Variants in CSMD2 observed in about 807,000 individuals in gnomAD.
CSMD2 encodes CUB and sushi domain-containing protein 2.
In CSMD2, 130 loss-of-function variants were observed where a neutral mutation model predicts 398.5. That is an observed-to-expected ratio of 0.33 (90% CI 0.28 to 0.38). The LOEUF is 0.38. CSMD2 is among the 10% of genes least tolerant of loss of function. CSMD2 has a pLI of 1.00. For missense variants in CSMD2, 3,829 were observed against 4,764.9 expected (o/e 0.80, Z 5.78); for synonymous variants, 1,828 against 1,908.5 (o/e 0.96, Z 1.10).
At chr1:33,662,255 A>T (rs1361409011) in intron 26 of CSMD2, among the ~76,000 whole-genome samples, 4 of 152,142 alleles carry the variant, frequency 2.6e-5, no homozygotes, top group African/African-American at 9.7e-5. Context: ...TGAGATCTGC[A>T]CTCAACTAAG....
chr1:33,889,086 AAC>A (rs905743232), intron 5 of CSMD2, among the ~76,000 whole-genome samples: 4 of 152,216 alleles, frequency 2.6e-5, no homozygotes, highest in Admixed American at 1.3e-4. Context: ...AACTGATTTC[AAC>A]ACACACACAC....
At chr1:33,579,371 C>T (rs1163324442) in intron 48 of CSMD2, among the ~76,000 whole-genome samples, 1 of 152,166 alleles carries the variant, frequency 6.6e-6, no homozygotes, top group African/African-American at 2.4e-5. Context: ...TGGTCACTGA[C>T]ATTGGGGCAC....
rs79967963 is a variant in CSMD2, at chr1:33,698,768, G to C, written c.3910C>G (p.Leu1304Val). The C allele has an allele frequency of 4.6e-4, 742 of 1,613,014 alleles. 3 individuals carry two copies. The African/African-American group carries it at 8.7e-3, about 19-fold the overall frequency. The change falls in exon 24 of 71, where the codon CTG (leucine) becomes GTG (valine). Residue 1304 changes from leucine to valine, a missense_variant. By Grantham distance (32) the Leu-to-Val change is conservative (BLOSUM62 1). Coordinates refer to ENST00000373381, the MANE Select transcript of CSMD2 (RefSeq NM_001281956.2). Reference protein sequence around the residue: ...SGERRTWDRPLPTCVAECGGT... With the variant: ...SGERRTWDRPVPTCVAECGGT... The stretch of plus-strand genomic sequence containing the variant: ...GCCCTCCTACCGACACAGGTGGGCA[G>C]AGGCCGGTCCCAGGTCCGGCGCTCT...
chr1:33,900,406 C>A (rs1207433068), intron 5 of CSMD2, among the ~76,000 whole-genome samples: 1 of 152,154 alleles, frequency 6.6e-6, no homozygotes, highest in Non-Finnish European at 1.5e-5. Flanking sequence ...TGATGGGGAT[C>A]CAATTTCTGG....
At chr1:33,666,541 ATGTGTG>A (rs67825405) in intron 25 of CSMD2, among the ~76,000 whole-genome samples, 67 of 148,726 alleles carry the variant, frequency 4.5e-4, no homozygotes, top group Non-Finnish European at 7.2e-4. Context: ...AGATATATAT[ATGTGTG>A]TGTGTGTGTG....
chr1:34,066,955 G>T (rs1655183178), intron 2 of CSMD2, among the ~76,000 whole-genome samples: 3 of 152,200 alleles, frequency 2.0e-5, no homozygotes, highest in Admixed American at 2.0e-4. Flanking sequence ...CTGCTTGGAA[G>T]GGGACAGGAT....
At chr1:34,072,611 A>G (rs1296988412) in intron 2 of CSMD2, among the ~76,000 whole-genome samples, 1 of 152,188 alleles carries the variant, frequency 6.6e-6, no homozygotes, top group African/African-American at 2.4e-5. Context: ...TTTTGGACTG[A>G]GACTCTGGCT....
intron 26 of CSMD2, among the ~76,000 whole-genome samples, chr1:33,662,035 G>A (rs1413919976): frequency 1.3e-5 from 2 of 152,148 alleles, no homozygotes; most frequent in Non-Finnish European, 2.9e-5. Context: ...TTGATCAGGG[G>A]GAGGAATGAT....
chr1:33,882,573 A>T (rs1641308124), intron 5 of CSMD2, among the ~76,000 whole-genome samples: 1 of 152,162 alleles, frequency 6.6e-6, no homozygotes, highest in Non-Finnish European at 1.5e-5. Context: ...GTTTCTCTAA[A>T]ATTTGGTTCA....
intron 1 of CSMD2, among the ~76,000 whole-genome samples, chr1:34,122,673 C>T (rs1423059903): frequency 6.6e-6 from 1 of 152,202 alleles, no homozygotes; most frequent in Non-Finnish European, 1.5e-5. Flanking sequence ...CCACCTATTA[C>T]ACAGGTCCAC....
chr1:33,698,246 ATTCTTT>A (rs1645488099), intron 24 of CSMD2, among the ~76,000 whole-genome samples: 1 of 152,218 alleles, frequency 6.6e-6, no homozygotes, highest in East Asian at 1.9e-4. Context: ...TCATTATTGC[ATTCTTT>A]ATCAGTGAGA....
intron 3 of CSMD2, among the ~76,000 whole-genome samples, chr1:33,939,475 G>A (rs1204729050): frequency 6.6e-6 from 1 of 152,206 alleles, no homozygotes; most frequent in Non-Finnish European, 1.5e-5. Context: ...TAGGGGAAAT[G>A]AGCTGAGAAC....
chr1:33,735,447 G>A (rs1416481702), intron 15 of CSMD2, among the ~76,000 whole-genome samples: 2 of 152,100 alleles, frequency 1.3e-5, no homozygotes, highest in Non-Finnish European at 2.9e-5. Context: ...TTCACTACCC[G>A]GAAGTCTTTC....
chr1:33,777,866 C>T (rs961198827), intron 12 of CSMD2, among the ~76,000 whole-genome samples: 2 of 152,140 alleles, frequency 1.3e-5, no homozygotes, highest in South Asian at 2.1e-4. Context: ...AAATTGGAAT[C>T]GTCTTTTATG....
chr1:33,854,949 A>T (rs1312634873), intron 5 of CSMD2, among the ~76,000 whole-genome samples: 1 of 152,112 alleles, frequency 6.6e-6, no homozygotes, highest in African/African-American at 2.4e-5. Flanking sequence ...TTGGTGTGTC[A>T]GTTTCCTTCC....
At chr1:33,532,941 G>T in intron 64 of CSMD2, 109 bp downstream of exon 64, 1 of 1,048,312 alleles carries the variant, frequency 9.5e-7, no homozygotes, top group Non-Finnish European at 1.3e-6. Context: ...GCGGGATCCA[G>T]CTCCTTGAAA....
intron 60 of CSMD2, among the ~76,000 whole-genome samples, chr1:33,539,879 G>C (rs1656169069): frequency 1.3e-5 from 2 of 152,112 alleles, no homozygotes; most frequent in Non-Finnish European, 2.9e-5. Context: ...ATTTTCAGAG[G>C]AACCCAAAAC....
At chr1:34,003,226 T>G (rs529417024) in intron 3 of CSMD2, among the ~76,000 whole-genome samples, 32 of 152,088 alleles carry the variant, frequency 2.1e-4, no homozygotes, top group Non-Finnish European at 4.0e-4. Context: ...AAAGCAGTGC[T>G]GAAATCTGTT....
chr1:33,949,150 G>A (rs1356722509), intron 3 of CSMD2, among the ~76,000 whole-genome samples: 1 of 152,232 alleles, frequency 6.6e-6, no homozygotes, highest in Non-Finnish European at 1.5e-5. Flanking sequence ...ATCGCACCCA[G>A]CTTAGAGAGC....
Sources: allele counts gnomAD v4.1 joint callset (sites outside exome capture counted in the v4.1 genomes callset), GRCh38; gene constraint gnomAD v4.1.1; transcripts MANE v1.5; gene names NCBI Gene and HGNC (gene_info 2026-07-23, HGNC 2026-07-21).